EEA1: variants seen among roughly 807,000 people sequenced by gnomAD.
EEA1 encodes early endosome antigen 1.
Under a neutral mutation model 209.2 loss-of-function variants are expected in EEA1, and 111 were observed. The observed-to-expected ratio is 0.53, with a 90% CI of 0.45 to 0.62. The LOEUF (loss-of-function observed/expected upper bound fraction) is 0.62, where lower values mean the gene tolerates loss of function less well. Among genes scored for constraint, EEA1 ranks in the 20% least tolerant of loss-of-function variants. EEA1 has a pLI of 0.00. For synonymous variants in EEA1, 536 were observed against 540.6 expected, an observed-to-expected ratio of 0.99 and a Z score of 0.12; for missense variants, 1,343 against 1,530.8, an observed-to-expected ratio of 0.88 and a Z score of 2.05.
chr12:92,818,825 T>A (rs1020105843), intron 14 of EEA1, among the ~76,000 whole-genome samples: 3 of 152,186 alleles, frequency 2.0e-5, no homozygotes, highest in Non-Finnish European at 4.4e-5. Flanking sequence ...AGGCAACTTA[T>A]CAAAATTATT....
intron 10 of EEA1, among the ~76,000 whole-genome samples, chr12:92,834,966 G>A (rs1015809520): frequency 2.6e-5 from 4 of 151,000 alleles, no homozygotes; most frequent in South Asian, 2.1e-4. Context: ...TCCAAGCTCC[G>A]CCTCTCGGGG....
chr12:92,821,546 A>G (rs950263459), intron 13 of EEA1, among the ~76,000 whole-genome samples: 2 of 152,180 alleles, frequency 1.3e-5, no homozygotes, highest in African/African-American at 4.8e-5. Context: ...ACAAAGCTCC[A>G]TAGATCGACG....
intron 2 of EEA1, among the ~76,000 whole-genome samples, chr12:92,870,512 C>A (rs1245064556): frequency 1.3e-5 from 2 of 152,098 alleles, no homozygotes; most frequent in East Asian, 3.9e-4. Flanking sequence ...TCGGACTGAT[C>A]CACTGTTACT....
At position 92,866,439 on chromosome 12, in the gene EEA1, A is replaced by C. The variant is rs137983345; in HGVS notation, c.118-1452T>G. On this transcript the variant is annotated intron_variant, in intron 2 of 28. Transcript: ENST00000322349. ...TGGTGCTTCGGCACTGTAAGCAACA[A>C]GTAAATATATTATAACTTTGAAGGT... 2.3e-4 allele frequency among the ~76,000 whole-genome samples: 35 copies of C among 152,200 alleles called. No homozygotes were observed. The East Asian group carries it at 6.8e-3, about 29-fold the overall frequency.
chr12:92,863,149 AAGG>A (rs1878224512), intron 3 of EEA1, among the ~76,000 whole-genome samples: 1 of 152,348 alleles, frequency 6.6e-6, no homozygotes, highest in Non-Finnish European at 1.5e-5. Flanking sequence ...GAGTAGAAGG[AAGG>A]AGAACTGGCA....
At chr12:92,795,791 G>A (rs930447526) in intron 21 of EEA1, among the ~76,000 whole-genome samples, 4 of 152,004 alleles carry the variant, frequency 2.6e-5, no homozygotes, top group African/African-American at 7.3e-5. Flanking sequence ...TCACATTGAC[G>A]GTCATAATGC....
chr12:92,800,425 T>C (rs752035283), intron 20 of EEA1, among the ~76,000 whole-genome samples: 58 of 152,334 alleles, frequency 3.8e-4, no homozygotes, highest in Non-Finnish European at 7.4e-4. Context: ...GTTTTCATGT[T>C]CTATGCATAT....
intron 15 of EEA1, among the ~76,000 whole-genome samples, chr12:92,815,650 T>C (rs1875744899): frequency 1.3e-5 from 2 of 152,050 alleles, no homozygotes; most frequent in Non-Finnish European, 1.5e-5. Context: ...TACCCCATGA[T>C]TGACTCATTG....
Position 92,835,275 on chromosome 12 carries a change from C to T in EEA1, c.916-2425G>A. ...ACACTGAGAACTTGGATGGAACATA[C>T]CTTTTAAAATATGCTACAAAAATTA... On this transcript the variant is annotated intron_variant, in intron 10 of 28. Transcript: ENST00000322349. The T allele has an allele frequency of 1.4e-5, 3 of 218,160 alleles. No homozygotes were observed. The South Asian group carries it at 1.5e-4, about 11-fold the overall frequency. The allele number at this position is 218,160 out of a possible 1,614,324, so 13.5% of individuals were successfully genotyped here.
At chr12:92,852,378 A>G (rs1017474913) in intron 7 of EEA1, 82 bp from the exon 8 acceptor site, 3 of 877,872 alleles carry the variant, frequency 3.4e-6, no homozygotes, top group Admixed American at 6.3e-5. Context: ...GCATATCTGT[A>G]TATCACTCTA....
chr12:92,799,131 A>G (rs1874788383), intron 20 of EEA1, 45 bp from the exon 21 acceptor site: 1 of 1,484,020 alleles, frequency 6.7e-7, no homozygotes, highest in Non-Finnish European at 9.0e-7. Flanking sequence ...TGTTCATTCA[A>G]AAGACGATGT....
In EEA1 at chr12:92,819,095, G is replaced by A. The variant is rs534828321; in HGVS notation, c.1728+213C>T. 7.8e-4 allele frequency among the ~76,000 whole-genome samples: 119 copies of A among 152,244 alleles called. 2 individuals carry two copies. The highest frequency in any genetic ancestry group is 1.0e-3 in the South Asian group (5 of 4,824). On this transcript the variant is annotated intron_variant, in intron 14 of 28. Transcript: ENST00000322349. Reference sequence around the variant, plus strand: ...TAACTTACATCCAGGGACATGAACTGAGAAATTTTCCTTTGTCAAATCATG... The same window carrying A: ...TAACTTACATCCAGGGACATGAACTAAGAAATTTTCCTTTGTCAAATCATG...
At chr12:92,897,549 C>T (rs1045682903) in intron 1 of EEA1, among the ~76,000 whole-genome samples, 2 of 152,190 alleles carry the variant, frequency 1.3e-5, no homozygotes, top group Non-Finnish European at 2.9e-5. Context: ...CAGGCCCACT[C>T]CCACACTGTG....
chr12:92,895,812 T>G, intron 1 of EEA1, among the ~76,000 whole-genome samples: 1 of 152,118 alleles, frequency 6.6e-6, no homozygotes, highest in Non-Finnish European at 1.5e-5. Context: ...CATTTGTGAT[T>G]CATGGGAGGA....
At chr12:92,806,445 C>T (rs577501190) in intron 18 of EEA1, among the ~76,000 whole-genome samples, 3 of 152,040 alleles carry the variant, frequency 2.0e-5, no homozygotes, top group Admixed American at 1.3e-4. Context: ...AAAAAAAAAT[C>T]AGGAAATTAG....
intron 13 of EEA1, among the ~76,000 whole-genome samples, chr12:92,824,773 A>G (rs770304757): frequency 6.6e-6 from 1 of 152,134 alleles, no homozygotes; most frequent in African/African-American, 2.4e-5. Context: ...TTAACATGCT[A>G]TATGTTTTGC....
At chr12:92,806,326 T>C (rs991154744) in intron 18 of EEA1, among the ~76,000 whole-genome samples, 10 of 152,016 alleles carry the variant, frequency 6.6e-5, no homozygotes, top group Non-Finnish European at 1.5e-4. Context: ...CTACTACAGA[T>C]CCTAACAGAC....
At chr12:92,892,919 A>C (rs1879714483) in intron 1 of EEA1, among the ~76,000 whole-genome samples, 1 of 152,144 alleles carries the variant, frequency 6.6e-6, no homozygotes, top group African/African-American at 2.4e-5. Flanking sequence ...CATGAGCCAC[A>C]GCGCCCAGCC....
At chr12:92,883,710 G>C in intron 2 of EEA1, 1 of 884,958 alleles carries the variant, frequency 1.1e-6, no homozygotes, top group Non-Finnish European at 1.8e-6. Context: ...TCATCAGCTT[G>C]TTCTTTTCTG....
Sources: allele counts gnomAD v4.1 joint callset (sites outside exome capture counted in the v4.1 genomes callset), GRCh38; gene constraint gnomAD v4.1.1; transcripts MANE v1.5; gene names NCBI Gene and HGNC (gene_info 2026-07-23, HGNC 2026-07-21).